Variants in RIPPLY2 observed in about 807,000 individuals in gnomAD.
RIPPLY2 encodes the protein protein ripply2.
Under a neutral mutation model 17.7 loss-of-function variants are expected in RIPPLY2, and 20 were observed. The ratio of observed to expected loss-of-function variants is 1.13; its 90% CI spans 0.79 to 1.64. The LOEUF is 1.64. RIPPLY2 is among the 40% of genes most tolerant of loss of function. RIPPLY2 has a pLI of 0.00. For synonymous variants in RIPPLY2, 69 were observed against 63.9 expected, an observed-to-expected ratio of 1.08 and a Z score of -0.38; for missense variants, 213 against 169.8, an observed-to-expected ratio of 1.25 and a Z score of -1.41.
intron 2 of RIPPLY2, 104 bp downstream of exon 2, chr6:83,853,877 C>A: frequency 8.9e-7 from 1 of 1,118,896 alleles, no homozygotes; most frequent in Non-Finnish European, 1.3e-6. Flanking sequence ...ACACCGGGTC[C>A]TGCCTCTCGC....
chr6:83,853,591 A>T (rs1181166656), intron 1 of RIPPLY2, 80 bp downstream of exon 1: 3 of 1,537,756 alleles, frequency 2.0e-6, no homozygotes, highest in Non-Finnish European at 2.6e-6. Flanking sequence ...CTCCCCTCCA[A>T]CTCTCCATCC....
In RIPPLY2 at chr6:83,854,200, A is replaced by G. The variant is rs776391087; in HGVS notation, c.239+39A>G. 3 of 1,528,312 alleles carry G rather than the reference A, an allele frequency of 2.0e-6. No individual in the cohort carries two copies. In the Admixed American group the frequency reaches 5.0e-5, roughly 25 times the overall value. 94.7% of individuals were successfully genotyped at this position (1,528,312 alleles called of 1,614,324 possible). Reference sequence around the variant, plus strand: ...CTCGCCGAAGGTCTCCCGCTCCTCCAGCCCCAGGGAGGAGCCAGGGGCATC... The same window carrying G: ...CTCGCCGAAGGTCTCCCGCTCCTCCGGCCCCAGGGAGGAGCCAGGGGCATC... On this transcript the variant is annotated intron_variant, in intron 3 of 3. Transcript: ENST00000369689.
At position 83,857,288 on chromosome 6, in the gene RIPPLY2, G is replaced by A. The variant is rs368487926; in HGVS notation, c.286G>A (p.Ala96Thr). ...SKCYDYLYQE[A>T]EALLKNFPIQ... ...ATGTTATGATTACTTATATCAAGAA[G>A]CAGAAGCTCTTCTGAAAAATTTTCC... The change falls in exon 4 of 4, where the codon GCA (alanine) becomes ACA (threonine). Residue 96 changes from alanine (A) to threonine (T), a missense_variant. Transcript: ENST00000369689. 3 of 1,554,432 alleles carry A rather than the reference G, an allele frequency of 1.9e-6. No homozygotes were observed. Among genetic ancestry groups the A allele is most frequent in the Non-Finnish European group, 2.6e-6 (3 of 1,153,522 alleles).
chr6:83,857,053 A>T (rs2099455090), intron 3 of RIPPLY2, 189 bp from the exon 4 acceptor site: 3 of 343,350 alleles, frequency 8.7e-6, no homozygotes, highest in South Asian at 9.4e-5. Flanking sequence ...TAATCAAACA[A>T]TTATTGATAC....
chr6:83,853,522 C>G lies in RIPPLY2; in HGVS notation c.95+11C>G. 1.3e-6 allele frequency: 2 copies of G among 1,536,918 alleles called. No homozygotes were observed. The highest frequency in any genetic ancestry group is 1.7e-6 in the Non-Finnish European group (2 of 1,145,216). On this transcript the variant is annotated intron_variant, in intron 1 of 3. Coordinates refer to ENST00000369689, the MANE Select transcript of RIPPLY2 (RefSeq NM_001009994.3). ...GGGCGCGGACTCCGGGTAGGCTTCCCCGCGCTGCTCTGCGCCTCCCAGCTT... is the reference window on the plus strand; with the variant it reads ...GGGCGCGGACTCCGGGTAGGCTTCCGCGCGCTGCTCTGCGCCTCCCAGCTT...
At chr6:83,854,453 C>A in intron 3 of RIPPLY2, 1 of 452,246 alleles carries the variant, frequency 2.2e-6, no homozygotes, top group Admixed American at 3.4e-5. Context: ...GCTGGCAAAA[C>A]AGTTTTTATT....
At chr6:83,853,329 C>A, upstream of RIPPLY2, 1 of 1,032,452 alleles carries the variant, frequency 9.7e-7, no homozygotes, top group Non-Finnish European at 1.4e-6. Flanking sequence ...GCCGCGAGGG[C>A]TATATAAAGC....
chr6:83,856,007 TA>T (rs1419116373), intron 3 of RIPPLY2: 4 of 152,226 alleles, frequency 2.6e-5, no homozygotes, highest in African/African-American at 9.7e-5. Context: ...CATTAGGAAA[TA>T]AATTGTTTCT....
At chr6:83,853,976 C>T (rs990415398) in intron 2 of RIPPLY2, 121 bp from the exon 3 acceptor site, 1 of 1,108,924 alleles carries the variant, frequency 9.0e-7, no homozygotes, top group Non-Finnish European at 1.4e-6. Flanking sequence ...CAGCCGGGAG[C>T]GAGGCTGCTG....
chr6:83,854,258 C>A (rs1282598261), intron 3 of RIPPLY2, 97 bp downstream of exon 3: 2 of 580,010 alleles, frequency 3.4e-6, no homozygotes, highest in Non-Finnish European at 5.9e-6. Context: ...GTCCTGCAGT[C>A]TCTCTCTCTC....
Position 83,854,144 on chromosome 6 carries a change from AT to A in RIPPLY2, c.224del (p.Phe75SerfsTer26). On this transcript the variant is annotated frameshift_variant, in exon 3 of 4. Coordinates refer to ENST00000369689, the MANE Select transcript of RIPPLY2 (RefSeq NM_001009994.3). LOFTEE classifies it high-confidence loss of function. ...CCGCAGCCTCAGGAAAGCTTTACCA[AT>A]TCAGGCACCCAGTCAGGTGAGTGAC... is the stretch of plus-strand genomic sequence containing the variant. Reference protein sequence around the residue: ...MTAASGKLYQFRHPVRLFWPK... With the variant: ...MTAASGKLYQXRHPVRLFWPK... 6.2e-7 allele frequency: 1 copy of A among 1,614,018 alleles called. No homozygotes were observed. Among genetic ancestry groups the A allele is most frequent in the South Asian group, 1.1e-5 (1 of 91,074 alleles).
chr6:83,854,064 G>A (rs1447005893), intron 2 of RIPPLY2, 33 bp from the exon 3 acceptor site: 2 of 1,590,936 alleles, frequency 1.3e-6, no homozygotes, highest in African/African-American at 2.7e-5. Flanking sequence ...AAGGAGGTGG[G>A]TGATAACTGG....
At chr6:83,856,479 G>A (rs1181380877) in intron 3 of RIPPLY2, 1 of 152,160 alleles carries the variant, frequency 6.6e-6, no homozygotes, top group African/African-American at 2.4e-5. Context: ...TTTCCTTGAT[G>A]AAGACCAGAA....
chr6:83,853,428 G>A lies in RIPPLY2; in HGVS notation c.12G>A (p.Ala4=), dbSNP rs9353143. The A allele has an allele frequency of 0.12, 179,488 of 1,542,804 alleles. 21,502 individuals are homozygous for A. The highest frequency in any genetic ancestry group is 0.58 in the African/African-American group (42,125 of 72,864). Residue 4 remains alanine, a synonymous_variant, in exon 1 of 4, where the codon GCG becomes GCA. Coordinates refer to ENST00000369689, the MANE Select transcript of RIPPLY2 (RefSeq NM_001009994.3). MEN[A]GGAEGTESGA... ...AGCTCTGCGGCGTCATGGAGAACGC[G>A]GGAGGCGCAGAGGGTACAGAGAGTG...
chr6:83,857,075 G>T, intron 3 of RIPPLY2, 167 bp from the exon 4 acceptor site: 1 of 397,168 alleles, frequency 2.5e-6, no homozygotes. Context: ...TGGGCAGGTA[G>T]ATTCCATGAA....
chr6:83,853,965 C>A, intron 2 of RIPPLY2, 132 bp from the exon 3 acceptor site: 1 of 1,063,934 alleles, frequency 9.4e-7, no homozygotes, highest in Non-Finnish European at 1.4e-6. Flanking sequence ...CCACAGGCAC[C>A]CAGCCGGGAG....
intron 3 of RIPPLY2, chr6:83,855,657 A>C (rs2099454884): frequency 6.6e-6 from 1 of 152,156 alleles, no homozygotes; most frequent in East Asian, 1.9e-4. Flanking sequence ...TCCTGTAGAG[A>C]ACTGCGTACG....
intron 3 of RIPPLY2, chr6:83,854,418 T>C (rs920978844): frequency 9.3e-6 from 5 of 537,940 alleles, no homozygotes; most frequent in African/African-American, 5.7e-5. Flanking sequence ...GGGGATGATA[T>C]GGTAAGAGAG....
chr6:83,853,800 C>A, intron 2 of RIPPLY2, 27 bp downstream of exon 2: 1 of 1,591,108 alleles, frequency 6.3e-7, no homozygotes, highest in Non-Finnish European at 8.6e-7. Context: ...TCTCAGGCCG[C>A]GCCTCCCACG....
Sources: gnomAD v4.1 joint callset for allele counts on GRCh38, gnomAD v4.1.1 for gene constraint, MANE v1.5 for transcripts, NCBI Gene and HGNC (gene_info 2026-07-23, HGNC 2026-07-21) for gene names.